The following DPH6 variants were observed in gnomAD, a reference collection of about 807,000 sequenced individuals.
The protein encoded by DPH6 is diphthamine biosynthesis 6.
Under a neutral mutation model 38.2 loss-of-function variants are expected in DPH6, and 33 were observed. The ratio of observed to expected loss-of-function variants is 0.86; its 90% CI spans 0.65 to 1.15. The LOEUF is 1.15. Among genes scored for constraint, DPH6 ranks in the 50% most tolerant of loss-of-function variants. The pLI is 0.00. For synonymous variants in DPH6, 108 were observed against 103.0 expected (o/e 1.05, Z -0.30); for missense variants, 325 against 320.0 (o/e 1.02, Z -0.12).
intron 3 of DPH6, among the ~76,000 whole-genome samples, chr15:35,300,212 C>T (rs1001696235): frequency 6.6e-6 from 1 of 152,178 alleles, no homozygotes; most frequent in Non-Finnish European, 1.5e-5. Context: ...GGAGATGGGG[C>T]AGACAAGGGT....
chr15:35,428,779 T>C (rs1041254555), intron 5 of DPH6, among the ~76,000 whole-genome samples: 2 of 152,104 alleles, frequency 1.3e-5, no homozygotes, highest in African/African-American at 4.8e-5. Context: ...GCTAAATATA[T>C]AGCTCCTTTA....
At chr15:35,447,181 C>T (rs2141070837) in intron 5 of DPH6, among the ~76,000 whole-genome samples, 1 of 152,220 alleles carries the variant, frequency 6.6e-6, no homozygotes, top group East Asian at 1.9e-4. Flanking sequence ...AGCTATACAT[C>T]ACCAATTTCC....
At chr15:35,233,224 A>C (rs2051530459) in intron 3 of DPH6, among the ~76,000 whole-genome samples, 1 of 152,148 alleles carries the variant, frequency 6.6e-6, no homozygotes, top group South Asian at 2.1e-4. Flanking sequence ...CAGTAGAATC[A>C]CTTGAACATG....
intron 3 of DPH6, among the ~76,000 whole-genome samples, chr15:35,499,153 T>A (rs2054593799): frequency 2.6e-5 from 4 of 152,082 alleles, no homozygotes; most frequent in Admixed American, 2.6e-4. Context: ...GTCTCTTGAC[T>A]GGTCTAGAAC....
At chr15:35,383,871 T>G (rs1328527115) in intron 6 of DPH6, among the ~76,000 whole-genome samples, 1 of 152,244 alleles carries the variant, frequency 6.6e-6, no homozygotes, top group East Asian at 1.9e-4. Context: ...GTAAAGCCTA[T>G]GCCAGCCACT....
intron 3 of DPH6, among the ~76,000 whole-genome samples, chr15:35,334,965 G>A (rs945186957): frequency 6.6e-6 from 1 of 152,054 alleles, no homozygotes; most frequent in Non-Finnish European, 1.5e-5. Context: ...CTAGGTCTTT[G>A]AGAAATTGCC....
chr15:35,240,631 T>A (rs1291345171), intron 3 of DPH6, among the ~76,000 whole-genome samples: 3 of 143,596 alleles, frequency 2.1e-5, no homozygotes, highest in African/African-American at 7.6e-5. Flanking sequence ...AAAGGCATAG[T>A]CAGGGTTAAT....
chr15:35,205,821 C>A, the DPH6 span, among the ~76,000 whole-genome samples: 2 of 151,956 alleles, frequency 1.3e-5, no homozygotes, highest in African/African-American at 2.4e-5. Context: ...TAGTTTTTAA[C>A]CTTTGTAATA....
chr15:35,232,456 C>T (rs2051524700), intron 3 of DPH6, among the ~76,000 whole-genome samples: 7 of 152,070 alleles, frequency 4.6e-5, no homozygotes, highest in Admixed American at 2.6e-4. Flanking sequence ...TGGTGGGTGC[C>T]TGTAATCTCA....
chr15:35,496,567 A>AAAAAAAAAAAAAAAAAAAATATAT, intron 3 of DPH6, among the ~76,000 whole-genome samples: 2 of 31,014 alleles, frequency 6.4e-5, no homozygotes, highest in African/African-American at 2.7e-4. Context: ...AAAAAAAAAA[A>AAAAAAAAAAAAAAAAAAAATATAT]ATATATATAT....
intron 2 of DPH6, among the ~76,000 whole-genome samples, chr15:35,539,135 G>A (rs2055215448): frequency 6.6e-6 from 1 of 151,956 alleles, no homozygotes; most frequent in Non-Finnish European, 1.5e-5. Context: ...CAAAACAGAT[G>A]AGTCACATCA....
chr15:35,253,266 A>G (rs1222536833), intron 3 of DPH6, among the ~76,000 whole-genome samples: 1 of 152,242 alleles, frequency 6.6e-6, no homozygotes, highest in Non-Finnish European at 1.5e-5. Context: ...GGTTGTGGAA[A>G]GCATCATCAA....
intron 3 of DPH6, among the ~76,000 whole-genome samples, chr15:35,325,042 G>A (rs1293989879): frequency 1.3e-5 from 2 of 152,118 alleles, no homozygotes; most frequent in African/African-American, 4.8e-5. Flanking sequence ...AAAAAGTACA[G>A]GAGTTTGTTA....
intron 7 of DPH6, 46 bp from the exon 8 acceptor site, chr15:35,373,654 G>A: frequency 6.6e-7 from 1 of 1,517,202 alleles, no homozygotes; most frequent in Non-Finnish European, 9.0e-7. Flanking sequence ...TACAAAAATT[G>A]TGACAAATCA....
chr15:35,390,664 A>G (rs1451331289), intron 6 of DPH6, among the ~76,000 whole-genome samples: 6 of 152,142 alleles, frequency 3.9e-5, no homozygotes, highest in Non-Finnish European at 5.9e-5. Context: ...TTTGTCACGT[A>G]GTTCTCATGC....
At chr15:35,368,851 A>C (rs1209037632), downstream of DPH6, among the ~76,000 whole-genome samples, 4 of 149,262 alleles carry the variant, frequency 2.7e-5, no homozygotes, top group Admixed American at 6.7e-5. Flanking sequence ...CAGAAATAAG[A>C]ACCTAGAGTT....
chr15:35,366,424 A>AT (rs1273402062), downstream of DPH6, among the ~76,000 whole-genome samples: 1 of 151,996 alleles, frequency 6.6e-6, no homozygotes, highest in Non-Finnish European at 1.5e-5. Flanking sequence ...ATGTTGAAGA[A>AT]TAACATTTAA....
intron 5 of DPH6, among the ~76,000 whole-genome samples, chr15:35,418,119 A>G (rs746567271): frequency 1.8e-4 from 28 of 152,084 alleles, no homozygotes; most frequent in Non-Finnish European, 3.7e-4. Context: ...TCGTGAACAG[A>G]CACAAACTGT....
intron 3 of DPH6, among the ~76,000 whole-genome samples, chr15:35,235,439 A>G (rs1387198334): frequency 6.6e-6 from 1 of 152,242 alleles, no homozygotes; most frequent in Non-Finnish European, 1.5e-5. Context: ...GTGTGTGCAC[A>G]GGTCGATTAC....
Sources: gnomAD v4.1 joint callset for allele counts (sites outside exome capture counted in the v4.1 genomes callset) on GRCh38, gnomAD v4.1.1 for gene constraint, MANE v1.5 for transcripts, NCBI Gene and HGNC (gene_info 2026-07-23, HGNC 2026-07-21) for gene names.